The following CACNA2D3 variants were observed in gnomAD, a reference collection of about 807,000 sequenced individuals.
The protein encoded by CACNA2D3 is calcium voltage-gated channel auxiliary subunit alpha2delta 3.
In CACNA2D3, 60 loss-of-function variants were observed where a neutral mutation model predicts 160.6. That is an observed-to-expected ratio of 0.37 (90% CI 0.30 to 0.46). The LOEUF (loss-of-function observed/expected upper bound fraction) is 0.46, where lower values mean the gene tolerates loss of function less well. Ranked by LOEUF, CACNA2D3 falls within the 20% of genes least tolerant of loss-of-function variation. The pLI, the probability that CACNA2D3 is intolerant of heterozygous loss-of-function variation, is 1.00. For missense variants in CACNA2D3, 1,205 were observed against 1,365.0 expected (o/e 0.88, Z 1.85); for synonymous variants, 558 against 492.9 (o/e 1.13, Z -1.75).
chr3:54,923,140 A>T (rs1384469024), intron 27 of CACNA2D3, among the ~76,000 whole-genome samples: 1 of 152,130 alleles, frequency 6.6e-6, no homozygotes, highest in Non-Finnish European at 1.5e-5. Context: ...CATTGTAATC[A>T]GATCCTATTG....
chr3:54,407,367 C>T (rs562919203), intron 4 of CACNA2D3, among the ~76,000 whole-genome samples: 7 of 152,310 alleles, frequency 4.6e-5, no homozygotes, highest in African/African-American at 1.4e-4. Context: ...ACCACCCCCA[C>T]AGTCATCTAA....
At chr3:54,614,404 C>A (rs1003039672) in intron 9 of CACNA2D3, among the ~76,000 whole-genome samples, 1 of 152,178 alleles carries the variant, frequency 6.6e-6, no homozygotes, top group Non-Finnish European at 1.5e-5. Context: ...GTTTCCTGTC[C>A]TTGGAGTAAA....
At chr3:54,400,294 C>G (rs989251811) in intron 4 of CACNA2D3, among the ~76,000 whole-genome samples, 2 of 151,918 alleles carry the variant, frequency 1.3e-5, no homozygotes, top group Admixed American at 1.3e-4. Context: ...TAGACCGGAG[C>G]TGTTCCTATT....
intron 11 of CACNA2D3, among the ~76,000 whole-genome samples, chr3:54,723,911 A>G (rs2106994954): frequency 6.6e-6 from 1 of 152,300 alleles, no homozygotes; most frequent in South Asian, 2.1e-4. Flanking sequence ...TCAAATTCAC[A>G]CATAACAATA....
intron 8 of CACNA2D3, among the ~76,000 whole-genome samples, chr3:54,571,443 T>TG (rs879874117): frequency 1.2e-3 from 179 of 150,690 alleles, no homozygotes; most frequent in African/African-American, 3.6e-3. Flanking sequence ...TTCAGATGGT[T>TG]GGGGGGGGTC....
intron 11 of CACNA2D3, among the ~76,000 whole-genome samples, chr3:54,650,757 T>A (rs915973616): frequency 6.6e-6 from 1 of 152,192 alleles, no homozygotes; most frequent in African/African-American, 2.4e-5. Flanking sequence ...TGCCTCAGTC[T>A]CCCAAAGTGC....
chr3:54,942,313 C>T (rs1399606157), intron 27 of CACNA2D3, among the ~76,000 whole-genome samples: 2 of 152,178 alleles, frequency 1.3e-5, no homozygotes, highest in African/African-American at 4.8e-5. Context: ...CAGACTCTGG[C>T]CCAAGAAGTA....
chr3:54,466,150 A>T (rs746721908), intron 4 of CACNA2D3, among the ~76,000 whole-genome samples: 4 of 152,112 alleles, frequency 2.6e-5, no homozygotes, highest in Non-Finnish European at 5.9e-5. Flanking sequence ...AGGTCAACTG[A>T]CTCAAGACTT....
At chr3:54,971,495 C>T (rs967414972) in intron 29 of CACNA2D3, among the ~76,000 whole-genome samples, 3 of 152,044 alleles carry the variant, frequency 2.0e-5, no homozygotes, top group South Asian at 2.1e-4. Context: ...GATGGTTGGA[C>T]GGGTGGCTCA....
At chr3:54,871,225 C>CACACACACA (rs1559611440) in intron 17 of CACNA2D3, among the ~76,000 whole-genome samples, 2 of 131,690 alleles carry the variant, frequency 1.5e-5, no homozygotes, top group Admixed American at 7.2e-5. Flanking sequence ...ACACACACAC[C>CACACACACA]CCCCATTCAA....
Position 54,257,468 on chromosome 3 carries a change from A to AT in CACNA2D3, c.205-62967dup, listed in dbSNP as rs942492480. Among the ~76,000 whole-genome samples the AT allele has an allele frequency of 2.0e-5, 3 of 151,750 alleles. No homozygotes were observed. The South Asian group carries it at 6.2e-4, about 32-fold the overall frequency. ...CCCTCTCTGAAATGTTTATAGACTT[A>AT]TTTTTTTCCCCCACCAGCTATTTTT... is the stretch of plus-strand genomic sequence containing the variant. On this transcript the variant is annotated intron_variant, in intron 2 of 37. Transcript: ENST00000474759.
At chr3:54,518,607 A>G (rs1701593832) in intron 5 of CACNA2D3, among the ~76,000 whole-genome samples, 1 of 152,364 alleles carries the variant, frequency 6.6e-6, no homozygotes, top group African/African-American at 2.4e-5. Flanking sequence ...ACCTGATTCC[A>G]GAAATGCTCT....
intron 4 of CACNA2D3, among the ~76,000 whole-genome samples, chr3:54,465,083 C>G (rs764922708): frequency 6.6e-6 from 1 of 151,244 alleles, no homozygotes; most frequent in African/African-American, 2.4e-5. Context: ...TGGGTTATTT[C>G]AAAAGATCTG....
chr3:55,062,584 G>T (rs73845265), intron 35 of CACNA2D3, among the ~76,000 whole-genome samples: 14,814 of 152,196 alleles, frequency 0.097, 1,361 homozygotes, highest in East Asian at 0.28. Flanking sequence ...AGGAAAGGAA[G>T]ACAGTAGCTG....
chr3:54,853,914 C>A (rs2360658), intron 17 of CACNA2D3, among the ~76,000 whole-genome samples: 1 of 152,058 alleles, frequency 6.6e-6, no homozygotes, highest in African/African-American at 2.4e-5. Flanking sequence ...ACGGAACTTT[C>A]GGTGGTCCCC....
chr3:54,206,793 T>A (rs1701284075), intron 2 of CACNA2D3, among the ~76,000 whole-genome samples: 1 of 152,230 alleles, frequency 6.6e-6, no homozygotes, highest in South Asian at 2.1e-4. Context: ...AAGATTCATA[T>A]AATAGCTGAA....
chr3:54,160,857 A>G (rs1700331478), intron 2 of CACNA2D3, among the ~76,000 whole-genome samples: 1 of 152,196 alleles, frequency 6.6e-6, no homozygotes, highest in Non-Finnish European at 1.5e-5. Context: ...TTTTTCATTG[A>G]GATCAGTATT....
chr3:54,870,150 C>T (rs959163884), intron 17 of CACNA2D3, among the ~76,000 whole-genome samples: 14 of 152,128 alleles, frequency 9.2e-5, no homozygotes, highest in Admixed American at 7.9e-4. Context: ...GGACACTTGG[C>T]CCTGTTTGGC....
chr3:55,024,240 G>A (rs1323982675), intron 35 of CACNA2D3, among the ~76,000 whole-genome samples: 2 of 150,530 alleles, frequency 1.3e-5, no homozygotes, highest in East Asian at 1.9e-4. Flanking sequence ...GGGTGATTTG[G>A]GGGATTATAA....
Sources: allele counts gnomAD v4.1 joint callset (sites outside exome capture counted in the v4.1 genomes callset), GRCh38; gene constraint gnomAD v4.1.1; transcripts MANE v1.5; gene names NCBI Gene and HGNC (gene_info 2026-07-23, HGNC 2026-07-21).